COL4A1: variants seen among roughly 807,000 people sequenced by gnomAD.
COL4A1 encodes the protein collagen alpha-1(IV) chain.
COL4A1 carries 40 observed loss-of-function variants against 216.6 expected under a neutral mutation model. The ratio of observed to expected loss-of-function variants is 0.18; its 90% CI spans 0.14 to 0.24. The LOEUF (loss-of-function observed/expected upper bound fraction) is 0.24, where lower values mean the gene tolerates loss of function less well. Among genes scored for constraint, COL4A1 ranks in the 10% least tolerant of loss-of-function variants. The pLI is 1.00. For synonymous variants in COL4A1, 839 were observed against 810.7 expected (o/e 1.03, Z -0.59); for missense variants, 1,628 against 2,196.8 (o/e 0.74, Z 5.18).
At chr13:110,163,678 A>T in intron 46 of COL4A1, 117 bp from the exon 47 acceptor site, 1 of 995,954 alleles carries the variant, frequency 1.0e-6, no homozygotes, top group Non-Finnish European at 1.5e-6. Flanking sequence ...CTCACTGCAG[A>T]TGAGAACGTT....
chr13:110,221,947 G>A (rs934467364), intron 2 of COL4A1, among the ~76,000 whole-genome samples: 1 of 152,164 alleles, frequency 6.6e-6, no homozygotes, highest in African/African-American at 2.4e-5. Flanking sequence ...GCTTAATTCC[G>A]TTTTCGCATC....
intron 2 of COL4A1, among the ~76,000 whole-genome samples, chr13:110,226,915 A>G (rs745596000): frequency 1.3e-5 from 2 of 152,216 alleles, no homozygotes; most frequent in Admixed American, 6.5e-5. Flanking sequence ...AATTAAGACA[A>G]TAAATAGCTA....
rs560032485 is a variant in COL4A1 at position 110,231,623 on chromosome 13, G to A, written c.144+11052C>T. Among the ~76,000 whole-genome samples the A allele has an allele frequency of 2.6e-5, 4 of 152,216 alleles. No homozygotes were observed. In the East Asian group the frequency reaches 7.7e-4, roughly 29 times the overall value. ...GCATCTTCCATCATGAACCTGTAGGGCAGGCTCCAGGACTGCCGCTGGCCA... is the reference window on the plus strand; with the variant it reads ...GCATCTTCCATCATGAACCTGTAGGACAGGCTCCAGGACTGCCGCTGGCCA... On this transcript the variant is annotated intron_variant, in intron 2 of 51. Transcript: ENST00000375820.
intron 33 of COL4A1, among the ~76,000 whole-genome samples, chr13:110,177,509 C>T (rs772547627): frequency 1.3e-5 from 2 of 152,132 alleles, no homozygotes; most frequent in African/African-American, 2.4e-5. Context: ...TGTAAACTTG[C>T]GCAGGTTGTT....
chr13:110,259,411 A>T lies in COL4A1; in HGVS notation c.85-16677T>A, dbSNP rs181650124. ...TCATTAACAATACTACTTAAAAAAA[A>T]TTTTTAAGCGTGTCTACAAAATCTA... On this transcript the variant is annotated intron_variant, in intron 1 of 51. Coordinates refer to ENST00000375820, the MANE Select transcript of COL4A1 (RefSeq NM_001845.6). Among the ~76,000 whole-genome samples the T allele has an allele frequency of 5.1e-3, 771 of 152,350 alleles. 6 individuals carry two copies. Among genetic ancestry groups the T allele is most frequent in the Middle Eastern group, 0.014 (4 of 294 alleles).
intron 26 of COL4A1, among the ~76,000 whole-genome samples, chr13:110,185,906 A>C (rs1410543974): frequency 1.3e-5 from 2 of 152,182 alleles, no homozygotes; most frequent in South Asian, 4.1e-4. Context: ...TCACTCCAAA[A>C]ACAGCAGACA....
intron 1 of COL4A1, among the ~76,000 whole-genome samples, chr13:110,284,464 G>A (rs1288106714): frequency 6.6e-6 from 1 of 152,156 alleles, no homozygotes; most frequent in Non-Finnish European, 1.5e-5. Context: ...AAGTCAACAT[G>A]ATATCCTAAT....
Position 110,230,732 on chromosome 13 carries a change from TC to T in COL4A1, c.144+11942del, listed in dbSNP as rs368503276. On this transcript the variant is annotated intron_variant, in intron 2 of 51. Transcript: ENST00000375820. The stretch of plus-strand genomic sequence containing the variant: ...TGCTGTTCCTCACGTTTGCTGGAAG[TC>T]CCCCCGTGGTATGTTCCTCTGCCCT... 2.0e-3 allele frequency among the ~76,000 whole-genome samples: 303 copies of T among 152,212 alleles called. 1 individual carries two copies. Among genetic ancestry groups the T allele is most frequent in the African/African-American group, 6.9e-3 (287 of 41,546 alleles).
Position 110,186,441 on chromosome 13 carries a change from A to C in COL4A1, c.1841T>G (p.Ile614Ser). The change falls in exon 26 of 52, where the codon ATT (isoleucine) becomes AGT (serine). Residue 614 changes from isoleucine to serine, a missense_variant. Transcript: ENST00000375820. ...GPPGYGPAGP[I>S]GDKGQAGFPG... ...AAAGCCTGCTTGTCCTTTGTCACCA[A>C]TGGGACCAGCAGGACCATATCCTGG... The C allele has an allele frequency of 6.2e-7, 1 of 1,613,768 alleles. No homozygotes were observed. The highest frequency in any genetic ancestry group is 1.3e-5 in the African/African-American group (1 of 75,028).
chr13:110,256,503 C>G (rs1261273652), intron 1 of COL4A1, among the ~76,000 whole-genome samples: 2 of 152,132 alleles, frequency 1.3e-5, no homozygotes, highest in Non-Finnish European at 2.9e-5. Flanking sequence ...AGCCCAGAAC[C>G]ACAGGGAGGA....
At chr13:110,287,996 C>T (rs1883908320) in intron 1 of COL4A1, among the ~76,000 whole-genome samples, 1 of 150,456 alleles carries the variant, frequency 6.6e-6, no homozygotes. Flanking sequence ...GTGGCTCACG[C>T]CTGTAATCTC....
rs1879779036 is a variant in COL4A1 at position 110,211,208 on chromosome 13, G to C, written c.468+439C>G. On this transcript the variant is annotated intron_variant, in intron 8 of 51. Coordinates refer to ENST00000375820, the MANE Select transcript of COL4A1 (RefSeq NM_001845.6). The surrounding 1 kb of genome is among the most constrained non-coding windows in gnomAD (Gnocchi z 4.3). ...CAGATGCCCGAGGTCCCCGCCCTGT[G>C]CCCAAGCACAGCCGACACATTACAT... Among the ~76,000 whole-genome samples, 1 of 152,174 alleles carries C rather than the reference G, an allele frequency of 6.6e-6. No homozygotes were observed. The highest frequency in any genetic ancestry group is 1.5e-5 in the Non-Finnish European group (1 of 68,036).
At chr13:110,188,055 G>C (rs1878477444) in intron 24 of COL4A1, among the ~76,000 whole-genome samples, 1 of 152,170 alleles carries the variant, frequency 6.6e-6, no homozygotes, top group African/African-American at 2.4e-5. Context: ...TCAGTTCCTG[G>C]AAAGTTAAAA....
rs1284832361 is a variant in COL4A1 at position 110,183,250 on chromosome 13, C to T, written c.1924G>A (p.Val642Ile). The change falls in exon 27 of 52, where the codon GTT becomes ATT. Residue 642 changes from valine to isoleucine, a missense_variant. Physicochemically the swap from Val to Ile is conservative, Grantham distance 29. Coordinates refer to ENST00000375820, the MANE Select transcript of COL4A1 (RefSeq NM_001845.6). ...PGPKGEPGKIVPLPGPPGAEG... is the reference protein window; with the variant it reads ...PGPKGEPGKIIPLPGPPGAEG... ...GCTCCAGGGGGGCCTGGTAAAGGAACAATTTTTCCTGGTTCACCCTTTGGA... is the reference window on the plus strand; with the variant it reads ...GCTCCAGGGGGGCCTGGTAAAGGAATAATTTTTCCTGGTTCACCCTTTGGA... 4 of 1,613,606 alleles carry T rather than the reference C, an allele frequency of 2.5e-6. No homozygotes were observed. Among genetic ancestry groups the T allele is most frequent in the Non-Finnish European group, 2.5e-6 (3 of 1,179,966 alleles).
At chr13:110,253,414 C>T (rs1450451634) in intron 1 of COL4A1, among the ~76,000 whole-genome samples, 3 of 21,482 alleles carry the variant, frequency 1.4e-4, no homozygotes, top group African/African-American at 1.9e-4. Context: ...ATATGTATTA[C>T]ATATACATAT....
rs1247573605 is a variant in COL4A1 at position 110,150,267 on chromosome 13, A to G, written c.*96T>C. On this transcript the variant is annotated 3_prime_UTR_variant, in exon 52 of 52. Coordinates refer to ENST00000375820, the MANE Select transcript of COL4A1 (RefSeq NM_001845.6). Reference sequence around the variant, plus strand: ...GCACTTTACGGTTTTCATATTGGACAGTGAGGTACACAGGATATATTTCTA... The same window carrying G: ...GCACTTTACGGTTTTCATATTGGACGGTGAGGTACACAGGATATATTTCTA... 1 of 1,162,682 alleles carries G rather than the reference A, an allele frequency of 8.6e-7. No homozygotes were observed. The highest frequency in any genetic ancestry group is 1.3e-6 in the Non-Finnish European group (1 of 797,334). The allele number at this position is 1,162,682 out of a possible 1,614,324, so 72.0% of individuals were successfully genotyped here. A position where few individuals can be genotyped will look rare whatever the true frequency, so the allele number is the denominator to read the frequency against.
At chr13:110,194,951 G>C in intron 22 of COL4A1, 72 bp downstream of exon 22, 1 of 1,376,192 alleles carries the variant, frequency 7.3e-7, no homozygotes, top group Non-Finnish European at 1.0e-6. Flanking sequence ...TGGCTCCAAA[G>C]CCGGTAAGTA....
chr13:110,247,836 G>GTGTGTGTGT (rs1566411252), intron 1 of COL4A1, among the ~76,000 whole-genome samples: 868 of 78,576 alleles, frequency 0.011, 46 homozygotes, highest in South Asian at 0.02. Context: ...TGTGTGTGTG[G>GTGTGTGTGT]CAGAGAGAGA....
chr13:110,222,961 T>A (rs866355786), intron 2 of COL4A1, among the ~76,000 whole-genome samples: 2 of 152,108 alleles, frequency 1.3e-5, no homozygotes, highest in Middle Eastern at 6.8e-3. Context: ...GATTCAAAAT[T>A]TAATTAAAAT....
Sources: gnomAD v4.1 joint callset for allele counts (sites outside exome capture counted in the v4.1 genomes callset) on GRCh38, gnomAD v4.1.1 for gene constraint, Gnocchi (gnomAD v3.1) non-coding constraint, MANE v1.5 for transcripts, NCBI Gene and HGNC (gene_info 2026-07-23, HGNC 2026-07-21) for gene names.